The following MTARC1 variants were observed in gnomAD, a reference collection of about 807,000 sequenced individuals.
The protein encoded by MTARC1 is mitochondrial amidoxime-reducing component 1.
Under a neutral mutation model 33.6 loss-of-function variants are expected in MTARC1, and 24 were observed. The ratio of observed to expected loss-of-function variants is 0.72; its 90% confidence interval spans 0.52 to 1.01. MTARC1 has a LOEUF of 1.01. Among genes scored for constraint, MTARC1 ranks in the 50% least tolerant of loss-of-function variants. The pLI, the probability that MTARC1 is intolerant of heterozygous loss-of-function variation, is 0.00. For missense variants in MTARC1, 417 were observed against 445.7 expected (o/e 0.94, Z 0.58); for synonymous variants, 187 against 189.5 (o/e 0.99, Z 0.11).
At position 220,816,800 on chromosome 1, in the gene MTARC1, T is replaced by C. The variant is rs1673290663; in HGVS notation, c.*3382T>C. The stretch of plus-strand genomic sequence containing the variant: ...TGCCCCTCTTGCTGGAGTAAAAGGA[T>C]GGAACTGGGACTTGATAGGTTAAAG... On this transcript the variant is annotated 3_prime_UTR_variant, in exon 7 of 7. Transcript: ENST00000366910. 6.6e-6 allele frequency: 1 copy of C among 152,262 alleles called. No individual in the cohort carries two copies. The allele number at this position is 152,262 out of a possible 1,614,324, so 9.4% of individuals were successfully genotyped here.
chr1:220,812,625 C>T (rs986932145), intron 6 of MTARC1, among the ~76,000 whole-genome samples: 7 of 152,174 alleles, frequency 4.6e-5, no homozygotes, highest in East Asian at 1.9e-4. Flanking sequence ...GCCCAAGTGA[C>T]GGCTAGGATG....
chr1:220,797,610 T>A (rs1672662465), intron 3 of MTARC1, among the ~76,000 whole-genome samples: 1 of 152,238 alleles, frequency 6.6e-6, no homozygotes, highest in Non-Finnish European at 1.5e-5. Context: ...TTCAGTGATG[T>A]CCCCAAGGGC....
At chr1:220,796,446 C>T (rs529304496) in intron 2 of MTARC1, among the ~76,000 whole-genome samples, 197 bp from the exon 3 acceptor site, 14 of 152,182 alleles carry the variant, frequency 9.2e-5, no homozygotes, top group Non-Finnish European at 2.1e-4. Context: ...GAAAGCAATG[C>T]TTAAAGGGGT....
rs1389199337 is a variant in MTARC1, at chr1:220,818,069, TATG to T, written c.*4657_*4659del. The T allele has an allele frequency of 6.6e-6, 1 of 152,202 alleles. No homozygotes were observed. Among genetic ancestry groups the T allele is most frequent in the Non-Finnish European group, 1.5e-5 (1 of 68,046 alleles). 9.4% of individuals were successfully genotyped at this position (152,202 alleles called of 1,614,324 possible). On this transcript the variant is annotated 3_prime_UTR_variant, in exon 7 of 7. Transcript: ENST00000366910. ...ACTTTCTCTGAATGGATGAATGAGT[TATG>T]ATGATATCTAAAGTTACCCAATTTC...
chr1:220,814,677 G>C lies in MTARC1; in HGVS notation c.*1259G>C, dbSNP rs898082363. 6 of 152,208 alleles carry C rather than the reference G, an allele frequency of 3.9e-5. No individual in the cohort carries two copies. The highest frequency in any genetic ancestry group is 1.4e-4 in the African/African-American group (6 of 41,424). 9.4% of individuals were successfully genotyped at this position (152,208 alleles called of 1,614,324 possible). On this transcript the variant is annotated 3_prime_UTR_variant, in exon 7 of 7. Coordinates refer to ENST00000366910, the MANE Select transcript of MTARC1 (RefSeq NM_022746.4). ...TTGAGCCCAGGAGCGGGAGATTGAG[G>C]CTGCAGTGAGTTATGATTGCACCAC...
chr1:220,806,217 T>C (rs148589914), intron 6 of MTARC1, among the ~76,000 whole-genome samples: 386 of 152,322 alleles, frequency 2.5e-3, no homozygotes, highest in South Asian at 0.01. Flanking sequence ...GCTGAAACTC[T>C]GAAAATGAAC....
intron 6 of MTARC1, 120 bp downstream of exon 6, chr1:220,805,394 C>A: frequency 9.6e-7 from 1 of 1,040,050 alleles, no homozygotes; most frequent in Non-Finnish European, 1.5e-6. Context: ...TCTTGAAACT[C>A]AAGAGGGTCC....
chr1:220,797,711 C>CTT lies in MTARC1; in HGVS notation c.613-162_613-161dup, dbSNP rs576899153. The CTT allele has an allele frequency of 2.3e-4, 154 of 665,390 alleles. No homozygotes were observed. The African/African-American group carries it at 2.6e-3, about 11-fold the overall frequency. The allele number at this position is 665,390 out of a possible 1,614,324, so 41.2% of individuals were successfully genotyped here. The stretch of plus-strand genomic sequence containing the variant: ...CTGCTATCTGCAAGGCTATTGAAAA[C>CTT]TTCTGAGTCACTGTGACTTCTATTA... On this transcript the variant is annotated intron_variant, in intron 3 of 6. Coordinates refer to ENST00000366910, the MANE Select transcript of MTARC1 (RefSeq NM_022746.4).
intron 6 of MTARC1, among the ~76,000 whole-genome samples, chr1:220,808,018 A>T (rs1673021886): frequency 6.6e-6 from 1 of 152,064 alleles, no homozygotes; most frequent in Non-Finnish European, 1.5e-5. Context: ...GAAATAGATG[A>T]TTCTGTGTAA....
intron 6 of MTARC1, among the ~76,000 whole-genome samples, chr1:220,806,174 C>G (rs186017920): frequency 5.3e-5 from 8 of 152,342 alleles, no homozygotes; most frequent in Admixed American, 1.3e-4. Context: ...CACTTCAGAG[C>G]TGATATCTGC....
chr1:220,788,092 T>C (rs565150132), intron 1 of MTARC1, among the ~76,000 whole-genome samples: 1 of 152,310 alleles, frequency 6.6e-6, no homozygotes, highest in African/African-American at 2.4e-5. Context: ...TCAAGCACTC[T>C]TGTGGATAAA....
chr1:220,792,840 T>C (rs1672471687), intron 2 of MTARC1, among the ~76,000 whole-genome samples: 1 of 152,194 alleles, frequency 6.6e-6, no homozygotes, highest in African/African-American at 2.4e-5. Flanking sequence ...TCTTTAAGGA[T>C]ACCATTTTTC....
intron 4 of MTARC1, among the ~76,000 whole-genome samples, chr1:220,799,674 C>T (rs999240307): frequency 6.6e-6 from 1 of 152,126 alleles, no homozygotes; most frequent in African/African-American, 2.4e-5. Context: ...TAGGCTATAC[C>T]ACAGCAAGGA....
At chr1:220,795,428 G>A (rs1558086138) in intron 2 of MTARC1, among the ~76,000 whole-genome samples, 3 of 152,172 alleles carry the variant, frequency 2.0e-5, no homozygotes, top group Admixed American at 6.6e-5. Flanking sequence ...ATAACACCAC[G>A]ATGATAGTAG....
chr1:220,788,513 G>T (rs1009022479), intron 1 of MTARC1, among the ~76,000 whole-genome samples: 1 of 152,164 alleles, frequency 6.6e-6, no homozygotes, highest in Admixed American at 6.5e-5. Context: ...TTTGGGCCAG[G>T]CGCGGTGGCT....
At position 220,787,958 on chromosome 1, in the gene MTARC1, G is replaced by A. The variant is rs201344124; in HGVS notation, c.275+739G>A. 8.8e-3 allele frequency among the ~76,000 whole-genome samples: 1,334 copies of A among 152,058 alleles called. 8 individuals are homozygous for A. The highest frequency in any genetic ancestry group is 0.058 in the East Asian group (298 of 5,152). ...GGGAGGTGGAAGTTGCAGTGAGCCAGGATTGCGCCACTGCACTCCAGCCTG... is the reference window on the plus strand; with the variant it reads ...GGGAGGTGGAAGTTGCAGTGAGCCAAGATTGCGCCACTGCACTCCAGCCTG... On this transcript the variant is annotated intron_variant, in intron 1 of 6. Coordinates refer to ENST00000366910, the MANE Select transcript of MTARC1 (RefSeq NM_022746.4).
intron 6 of MTARC1, among the ~76,000 whole-genome samples, chr1:220,807,188 C>A (rs566834434): frequency 6.6e-6 from 1 of 151,784 alleles, no homozygotes; most frequent in African/African-American, 2.4e-5. Flanking sequence ...AATATTCAAG[C>A]TGAACTGTTC....
At chr1:220,804,969 G>A (rs1421976410) in intron 4 of MTARC1, 83 bp from the exon 5 acceptor site, 2 of 1,459,810 alleles carry the variant, frequency 1.4e-6, no homozygotes, top group East Asian at 2.3e-5. Flanking sequence ...ATCGTTAGGT[G>A]CGAGGGCTCC....
chr1:220,787,816 C>G (rs1672283605), intron 1 of MTARC1, among the ~76,000 whole-genome samples: 1 of 152,014 alleles, frequency 6.6e-6, no homozygotes, highest in South Asian at 2.1e-4. Flanking sequence ...ATGGTGAAAC[C>G]GCGTCTCTAC....
Sources: allele counts gnomAD v4.1 joint callset (sites outside exome capture counted in the v4.1 genomes callset), GRCh38; gene constraint gnomAD v4.1.1; transcripts MANE v1.5; gene names NCBI Gene and HGNC (gene_info 2026-07-23, HGNC 2026-07-21).